The following MCCC2 variants were observed in gnomAD, a reference collection of about 807,000 sequenced individuals.
MCCC2 encodes methylcrotonoyl-CoA carboxylase beta chain, mitochondrial.
In MCCC2, 52 loss-of-function variants were observed where a neutral mutation model predicts 77.2. That is an observed-to-expected ratio of 0.67 (90% confidence interval 0.54 to 0.85). MCCC2 has a LOEUF of 0.85. Ranked by LOEUF, MCCC2 falls within the 40% of genes least tolerant of loss-of-function variation. The pLI, the probability that MCCC2 is intolerant of heterozygous loss-of-function variation, is 0.00. For missense variants in MCCC2, 682 were observed against 703.2 expected, an observed-to-expected ratio of 0.97 and a Z score of 0.34; for synonymous variants, 253 against 248.4, an observed-to-expected ratio of 1.02 and a Z score of -0.18.
chr5:71,620,316 G>A (rs1276118684), intron 6 of MCCC2, among the ~76,000 whole-genome samples: 6 of 152,124 alleles, frequency 3.9e-5, no homozygotes, highest in South Asian at 2.1e-4. Context: ...CAGGAAAAAT[G>A]GGATGTGGGC....
chr5:71,642,886 C>T (rs1009885626), intron 11 of MCCC2, among the ~76,000 whole-genome samples: 1 of 152,000 alleles, frequency 6.6e-6, no homozygotes, highest in African/African-American at 2.4e-5. Flanking sequence ...GCCTATAGTC[C>T]CAGCTGCTTG....
chr5:71,656,816 A>G lies in MCCC2; in HGVS notation c.1648A>G (p.Asn550Asp). Residue 550 changes from asparagine to aspartate, a missense_variant, in exon 17 of 17, where the codon AAC becomes GAC. By Grantham distance (23) the Asn-to-Asp change is conservative (BLOSUM62 1). Coordinates refer to ENST00000340941, the MANE Select transcript of MCCC2 (RefSeq NM_022132.5). ...GGGTCTCAGTTTTAGTGCAGCCCTC[A>G]ACGCACCAATAGAGAAGACTGACTT... ...VLGLSFSAAL[N>D]APIEKTDFGI... is the part of the protein sequence containing the mutation. The G allele has an allele frequency of 6.2e-7, 1 of 1,614,164 alleles. No individual in the cohort carries two copies. The highest frequency in any genetic ancestry group is 8.5e-7 in the Non-Finnish European group (1 of 1,180,000).
Position 71,657,295 on chromosome 5 carries a change from G to A in MCCC2, c.*435G>A. 1 of 222,952 alleles carries A rather than the reference G, an allele frequency of 4.5e-6. No individual in the cohort carries two copies. The highest frequency in any genetic ancestry group is 2.3e-5 in the African/African-American group (1 of 42,728). 13.8% of individuals were successfully genotyped at this position (222,952 alleles called of 1,614,324 possible). A position where few individuals can be genotyped will look rare whatever the true frequency, so the allele number is the denominator to read the frequency against. On this transcript the variant is annotated 3_prime_UTR_variant, in exon 17 of 17. Coordinates refer to ENST00000340941, the MANE Select transcript of MCCC2 (RefSeq NM_022132.5). ...GCATCTGTTACTTCAGTGGCATAAA[G>A]TGCCCTCACACTGCTGTGCAGCCAT...
intron 6 of MCCC2, among the ~76,000 whole-genome samples, chr5:71,615,877 T>C (rs996890841): frequency 1.3e-5 from 2 of 152,212 alleles, no homozygotes; most frequent in African/African-American, 4.8e-5. Context: ...TTTATTCTGA[T>C]GAGGCGACTC....
At chr5:71,624,842 C>T (rs903141164) in intron 6 of MCCC2, among the ~76,000 whole-genome samples, 2 of 151,926 alleles carry the variant, frequency 1.3e-5, no homozygotes, top group East Asian at 1.9e-4. Flanking sequence ...TACAGGCATG[C>T]AGCACCACAC....
Position 71,592,923 on chromosome 5 carries a change from T to C in MCCC2, c.130-3T>C. 6.2e-7 allele frequency: 1 copy of C among 1,606,942 alleles called. No homozygotes were observed. Among genetic ancestry groups the C allele is most frequent in the East Asian group, 2.2e-5 (1 of 44,836 alleles). On this transcript the variant is annotated splice_polypyrimidine_tract_variant and splice_region_variant and intron_variant, in intron 1 of 16. Coordinates refer to ENST00000340941, the MANE Select transcript of MCCC2 (RefSeq NM_022132.5). ...TCCCCTGTCTCCTCTATTTCTGTTT[T>C]AGGAGAACTACAAGCAGATGAAAGC...
chr5:71,618,559 TTC>T lies in MCCC2; in HGVS notation c.625-8077_625-8076del, dbSNP rs1188367113. On this transcript the variant is annotated intron_variant, in intron 6 of 16. Coordinates refer to ENST00000340941, the MANE Select transcript of MCCC2 (RefSeq NM_022132.5). Reference sequence around the variant, plus strand: ...TTCCTTCCTTCCTTCCTTTCTTTCTTTCTCTTTCTTTTTGTAGAGGTGAAGTC... The same window carrying T: ...TTCCTTCCTTCCTTCCTTTCTTTCTTTCTTTCTTTTTGTAGAGGTGAAGTC... Among the ~76,000 whole-genome samples the T allele has an allele frequency of 2.8e-4, 42 of 148,898 alleles. 1 individual carries two copies. The highest frequency in any genetic ancestry group is 9.9e-4 in the African/African-American group (40 of 40,564).
chr5:71,616,799 G>A (rs1486626836), intron 6 of MCCC2, among the ~76,000 whole-genome samples: 1 of 152,150 alleles, frequency 6.6e-6, no homozygotes, highest in Non-Finnish European at 1.5e-5. Flanking sequence ...CGGGCACAAA[G>A]TGAACACATC....
Position 71,635,000 on chromosome 5 carries a change from T to G in MCCC2, c.861T>G (p.Thr287=). Residue 287 remains threonine, a synonymous_variant, in exon 9 of 17, where the codon ACT becomes ACG. Transcript: ENST00000340941. ...ALDDHHALHL[T]RKVVRNLNYQ... ...ATGATCATCATGCCCTTCACTTAAC[T>G]AGGAAGGTTGTGAGGAATCTAAATT... 1.2e-6 allele frequency: 2 copies of G among 1,614,168 alleles called. No homozygotes were observed. The highest frequency in any genetic ancestry group is 1.7e-6 in the Non-Finnish European group (2 of 1,180,024).
chr5:71,631,543 T>G (rs1746712899), intron 7 of MCCC2, among the ~76,000 whole-genome samples: 1 of 147,214 alleles, frequency 6.8e-6, no homozygotes, highest in Non-Finnish European at 1.5e-5. Context: ...TTCTTCTTTT[T>G]TTTTTTTTTT....
chr5:71,597,182 G>A (rs1194366556), intron 3 of MCCC2, among the ~76,000 whole-genome samples: 1 of 151,778 alleles, frequency 6.6e-6, no homozygotes, highest in Non-Finnish European at 1.5e-5. Context: ...GGAATGGCCA[G>A]TGCAAAGGCC....
intron 10 of MCCC2, 70 bp from the exon 11 acceptor site, chr5:71,640,933 A>T: frequency 5.2e-6 from 7 of 1,339,870 alleles, no homozygotes; most frequent in Non-Finnish European, 6.4e-6. Context: ...TTGTTTTCCT[A>T]TAAGTAACTT....
intron 6 of MCCC2, among the ~76,000 whole-genome samples, chr5:71,622,826 G>A (rs1007937422): frequency 6.6e-6 from 1 of 152,286 alleles, no homozygotes; most frequent in Middle Eastern, 3.4e-3. Flanking sequence ...TGCATTTCAA[G>A]GCAGACGCGG....
chr5:71,632,711 T>A (rs1247416448), intron 8 of MCCC2, among the ~76,000 whole-genome samples: 1 of 152,142 alleles, frequency 6.6e-6, no homozygotes, highest in East Asian at 1.9e-4. Context: ...TTCTGTGGTA[T>A]GAGTGATCCC....
intron 11 of MCCC2, among the ~76,000 whole-genome samples, chr5:71,643,202 C>T (rs114546156): frequency 0.016 from 2,425 of 152,056 alleles, 29 homozygotes; most frequent in Non-Finnish European, 0.025. Context: ...GGCAACATAG[C>T]GAAACCCCAT....
chr5:71,611,733 T>C (rs1164621628), intron 6 of MCCC2, among the ~76,000 whole-genome samples: 1 of 152,012 alleles, frequency 6.6e-6, no homozygotes, highest in African/African-American at 2.4e-5. Flanking sequence ...GAGACAGGGA[T>C]GAGGTAGGAG....
At chr5:71,600,564 C>T (rs12652715) in intron 4 of MCCC2, among the ~76,000 whole-genome samples, 114,263 of 151,990 alleles carry the variant, frequency 0.75, 43,598 homozygotes, top group East Asian at 0.86. Context: ...GTGCTGGGAT[C>T]ACAAGCATGA....
chr5:71,611,403 C>G lies in MCCC2; in HGVS notation c.624+6935C>G, dbSNP rs457539. On this transcript the variant is annotated intron_variant, in intron 6 of 16. Coordinates refer to ENST00000340941, the MANE Select transcript of MCCC2 (RefSeq NM_022132.5). The stretch of plus-strand genomic sequence containing the variant: ...AGAAACAGAATGAGACCCTGTCTCA[C>G]AAAAGAAAAAGAAAAGAAAAGTTCA... Among the ~76,000 whole-genome samples, 345 of 151,952 alleles carry G rather than the reference C, an allele frequency of 2.3e-3. 3 individuals carry two copies. The highest frequency in any genetic ancestry group is 7.9e-3 in the African/African-American group (329 of 41,412).
In MCCC2 at chr5:71,604,404, A is replaced by AGGTAAGTGT; in HGVS notation, c.560_561insGGTAAGTGT (p.Asp187delinsGluValSerVal). ...CCTCGACAAGCAGATGTGTTTCCAG[A>AGGTAAGTGT]TCGAGACCACTTTGGCCGTACATTC... On this transcript the variant is annotated protein_altering_variant, in exon 6 of 17. Coordinates refer to ENST00000340941, the MANE Select transcript of MCCC2 (RefSeq NM_022132.5). 4 of 1,614,148 alleles carry AGGTAAGTGT rather than the reference A, an allele frequency of 2.5e-6. No individual in the cohort carries two copies. The highest frequency in any genetic ancestry group is 3.4e-6 in the Non-Finnish European group (4 of 1,180,032).
Sources: allele counts gnomAD v4.1 joint callset (sites outside exome capture counted in the v4.1 genomes callset), GRCh38; gene constraint gnomAD v4.1.1; transcripts MANE v1.5; gene names NCBI Gene and HGNC (gene_info 2026-07-23, HGNC 2026-07-21).